The following GDPD5 variants were observed in gnomAD, a reference collection of about 807,000 sequenced individuals.
GDPD5 encodes glycerophosphodiester phosphodiesterase 2.
GDPD5 carries 48 observed loss-of-function variants against 75.1 expected under a neutral mutation model. The observed-to-expected ratio is 0.64, with a 90% confidence interval of 0.51 to 0.81. GDPD5 has a LOEUF of 0.81. Among genes scored for constraint, GDPD5 ranks in the 40% least tolerant of loss-of-function variants. GDPD5 has a pLI of 0.00. For synonymous variants in GDPD5, 336 were observed against 339.0 expected (o/e 0.99, Z 0.10); for missense variants, 706 against 822.6 (o/e 0.86, Z 1.73).
rs553862283 is a variant in GDPD5 at position 75,499,812 on chromosome 11, A to G, written c.-144-9492T>C. On this transcript the variant is annotated intron_variant, in intron 1 of 16. Coordinates refer to ENST00000336898, the MANE Select transcript of GDPD5 (RefSeq NM_030792.8). ...ACCTTCCTAGGCCTTTCTTGTTTGC[A>G]GTGTCTACGAAACAGCTTTGGTGAG... 2.6e-5 allele frequency among the ~76,000 whole-genome samples: 4 copies of G among 152,264 alleles called. No homozygotes were observed. The South Asian group carries it at 8.3e-4, about 32-fold the overall frequency.
intron 3 of GDPD5, 65 bp downstream of exon 3, chr11:75,477,554 C>G: frequency 3.8e-6 from 4 of 1,046,902 alleles, no homozygotes; most frequent in Non-Finnish European, 5.5e-6. Flanking sequence ...TAAGACCCCT[C>G]CCCCAGCCCC....
intron 16 of GDPD5, among the ~76,000 whole-genome samples, chr11:75,436,329 C>G (rs566238914): frequency 1.2e-4 from 18 of 152,298 alleles, no homozygotes; most frequent in African/African-American, 4.3e-4. Flanking sequence ...CCGTGCCCAC[C>G]TGGAATGCCC....
chr11:75,486,965 A>C (rs1208353145), intron 2 of GDPD5, among the ~76,000 whole-genome samples: 1 of 152,208 alleles, frequency 6.6e-6, no homozygotes. Context: ...CATCCCAAAC[A>C]GCTCACCAAG....
At chr11:75,506,256 A>AG (rs1950395623) in intron 1 of GDPD5, among the ~76,000 whole-genome samples, 2 of 152,210 alleles carry the variant, frequency 1.3e-5, no homozygotes, top group Admixed American at 6.5e-5. Context: ...GGCTCTTCCC[A>AG]GAAGACACTC....
chr11:75,522,438 C>A (rs1481763488), intron 1 of GDPD5, among the ~76,000 whole-genome samples: 1 of 152,158 alleles, frequency 6.6e-6, no homozygotes, highest in East Asian at 1.9e-4. Flanking sequence ...TTACTCCAGT[C>A]CTCAAGGGCC....
chr11:75,438,446 C>T (rs901914897), intron 15 of GDPD5: 1 of 152,338 alleles, frequency 6.6e-6, no homozygotes, highest in African/African-American at 2.4e-5. Context: ...GGGGTGGCCT[C>T]CCCAGCACCC....
At chr11:75,496,634 G>A (rs968249289) in intron 1 of GDPD5, among the ~76,000 whole-genome samples, 8 of 152,164 alleles carry the variant, frequency 5.3e-5, no homozygotes, top group African/African-American at 7.2e-5. Context: ...GCACAGTGCC[G>A]AGGGCCCATC....
At chr11:75,498,754 C>T (rs141584460) in intron 1 of GDPD5, among the ~76,000 whole-genome samples, 54 of 152,314 alleles carry the variant, frequency 3.5e-4, no homozygotes, top group African/African-American at 1.2e-3. Flanking sequence ...CCCTTGCTGA[C>T]CACACAGCCT....
chr11:75,459,265 T>G (rs531962638), intron 4 of GDPD5, among the ~76,000 whole-genome samples: 8 of 152,190 alleles, frequency 5.3e-5, no homozygotes, highest in Non-Finnish European at 7.3e-5. Flanking sequence ...TATACATATC[T>G]TTCTGTATTT....
chr11:75,439,269 C>A (rs1948719553), intron 15 of GDPD5: 1 of 449,466 alleles, frequency 2.2e-6, no homozygotes, highest in Admixed American at 2.4e-5. Flanking sequence ...GGTTTTTAGA[C>A]AGAACTGGAG....
chr11:75,458,168 G>A (rs1336419683), intron 4 of GDPD5, among the ~76,000 whole-genome samples: 1 of 152,208 alleles, frequency 6.6e-6, no homozygotes, highest in Non-Finnish European at 1.5e-5. Context: ...GAGGCACACA[G>A]GCTGGATTCA....
At chr11:75,486,035 G>A (rs1950016158) in intron 2 of GDPD5, among the ~76,000 whole-genome samples, 1 of 152,160 alleles carries the variant, frequency 6.6e-6, no homozygotes. Context: ...CCAGTAGGCT[G>A]AGTGACTGCC....
intron 2 of GDPD5, among the ~76,000 whole-genome samples, chr11:75,487,339 C>T (rs564330172): frequency 1.3e-5 from 2 of 152,274 alleles, no homozygotes; most frequent in South Asian, 2.1e-4. Flanking sequence ...GGTAACCAGA[C>T]CTAGGGGCAG....
At chr11:75,524,562 G>T (rs1319106863) in intron 1 of GDPD5, among the ~76,000 whole-genome samples, 1 of 152,204 alleles carries the variant, frequency 6.6e-6, no homozygotes, top group Non-Finnish European at 1.5e-5. Context: ...CCCCAGAGGG[G>T]CTACATCTCC....
chr11:75,525,123 T>C (rs1941618545), intron 1 of GDPD5, 87 bp downstream of exon 1: 1 of 152,408 alleles, frequency 6.6e-6, no homozygotes. Flanking sequence ...CAGCCTCTGC[T>C]TGTTTCCCCT....
intron 3 of GDPD5, among the ~76,000 whole-genome samples, chr11:75,476,006 G>C (rs940965039): frequency 6.6e-6 from 1 of 152,192 alleles, no homozygotes; most frequent in Non-Finnish European, 1.5e-5. Flanking sequence ...GCCCACCAAG[G>C]AGATGAGACT....
At position 75,442,077 on chromosome 11, in the gene GDPD5, C is replaced by T. The variant is rs146466285; in HGVS notation, c.1168-274G>A. On this transcript the variant is annotated intron_variant, in intron 12 of 16. Coordinates refer to ENST00000336898, the MANE Select transcript of GDPD5 (RefSeq NM_030792.8). Reference sequence around the variant, plus strand: ...ACATGGCCACTAGCACCTAGTGTGCCGTCCTAAACTGATGTCAGATTTCTC... The same window carrying T: ...ACATGGCCACTAGCACCTAGTGTGCTGTCCTAAACTGATGTCAGATTTCTC... 2.8e-3 allele frequency among the ~76,000 whole-genome samples: 434 copies of T among 152,368 alleles called. 5 individuals are homozygous for T. The highest frequency in any genetic ancestry group is 4.6e-3 in the Non-Finnish European group (316 of 68,040).
At chr11:75,437,215 A>T in intron 15 of GDPD5, 167 bp from the exon 16 acceptor site, 1 of 589,658 alleles carries the variant, frequency 1.7e-6, no homozygotes, top group Non-Finnish European at 3.0e-6. Context: ...TTGGGGCTTG[A>T]ATCAGAGCCT....
intron 6 of GDPD5, chr11:75,450,589 CGCCGTGATGGGG>C (rs1463082192): frequency 1.9e-5 from 3 of 154,376 alleles, no homozygotes; most frequent in African/African-American, 7.2e-5. Flanking sequence ...CATCTAGGTC[CGCCGTGATGGGG>C]GCCATCCTCC....
Sources: gnomAD v4.1 joint callset for allele counts (sites outside exome capture counted in the v4.1 genomes callset) on GRCh38, gnomAD v4.1.1 for gene constraint, MANE v1.5 for transcripts, NCBI Gene and HGNC (gene_info 2026-07-23, HGNC 2026-07-21) for gene names.